The following GMDS variants were observed in gnomAD, a reference collection of about 807,000 sequenced individuals.
The protein encoded by GMDS is GDP-mannose 4,6-dehydratase, also known as GDP-mannose 4,6 dehydratase.
In GMDS, 20 loss-of-function variants were observed where a neutral mutation model predicts 49.9. That is an observed-to-expected ratio of 0.40 (90% CI 0.28 to 0.58). The LOEUF (loss-of-function observed/expected upper bound fraction) is 0.58. Among genes scored for constraint, GMDS ranks in the 20% least tolerant of loss-of-function variants. GMDS has a pLI of 0.42. For synonymous variants in GMDS, 177 were observed against 178.6 expected (o/e 0.99, Z 0.07); for missense variants, 362 against 481.4 (o/e 0.75, Z 2.32).
chr6:2,071,614 T>G (rs1159614435), intron 4 of GMDS, among the ~76,000 whole-genome samples: 1 of 151,864 alleles, frequency 6.6e-6, no homozygotes, highest in East Asian at 1.9e-4. Flanking sequence ...AGAAAAAGCA[T>G]TGCATCTTCC....
At chr6:1,798,688 GC>G (rs1769832691) in intron 7 of GMDS, among the ~76,000 whole-genome samples, 1 of 152,194 alleles carries the variant, frequency 6.6e-6, no homozygotes, top group South Asian at 2.1e-4. Context: ...AGTCCTCCAA[GC>G]GAATGTCCCC....
chr6:1,875,663 C>T (rs1236812660), intron 7 of GMDS, among the ~76,000 whole-genome samples: 1 of 152,150 alleles, frequency 6.6e-6, no homozygotes, highest in Non-Finnish European at 1.5e-5. Flanking sequence ...AATATTTTCA[C>T]AATTTCTATT....
chr6:1,716,828 C>T (rs775716747), intron 9 of GMDS, among the ~76,000 whole-genome samples: 7 of 152,194 alleles, frequency 4.6e-5, no homozygotes, highest in South Asian at 2.1e-4. Flanking sequence ...TTTCCAAAGC[C>T]CTGCTCTAAA....
At position 2,014,224 on chromosome 6, in the gene GMDS, G is replaced by A. The variant is rs146610417; in HGVS notation, c.346-53258C>T. On this transcript the variant is annotated intron_variant, in intron 4 of 10. Coordinates refer to ENST00000380815, the MANE Select transcript of GMDS (RefSeq NM_001500.4). ...GAAATGCTGAAAGAAATTCTTCAGC[G>A]AGAAGGAAAATTATATAGGTCAAAA... Among the ~76,000 whole-genome samples the A allele has an allele frequency of 5.5e-3, 829 of 150,030 alleles. 9 individuals are homozygous for A. The highest frequency in any genetic ancestry group is 0.038 in the Middle Eastern group (11 of 286).
chr6:2,142,541 A>C (rs1776353789), intron 1 of GMDS, among the ~76,000 whole-genome samples: 1 of 152,230 alleles, frequency 6.6e-6, no homozygotes, highest in Non-Finnish European at 1.5e-5. Context: ...GAAAACCACC[A>C]GCGGCAAGGT....
At position 1,844,892 on chromosome 6, in the gene GMDS, G is replaced by A. The variant is rs114424644; in HGVS notation, c.771+85211C>T. On this transcript the variant is annotated intron_variant, in intron 7 of 10. Transcript: ENST00000380815. ...ACAGAGAGTTACAACTGTAACCTGA[G>A]GGTAACACTTCTTTATAAGAATGGA... Among the ~76,000 whole-genome samples the A allele has an allele frequency of 5.7e-3, 862 of 152,300 alleles. 8 individuals carry two copies. Among genetic ancestry groups the A allele is most frequent in the African/African-American group, 0.019 (809 of 41,556 alleles).
chr6:1,931,239 G>A (rs1221487589), intron 6 of GMDS, among the ~76,000 whole-genome samples: 1 of 152,230 alleles, frequency 6.6e-6, no homozygotes, highest in Non-Finnish European at 1.5e-5. Context: ...TTTTGCAGAT[G>A]AAGCAGGGAG....
intron 7 of GMDS, among the ~76,000 whole-genome samples, chr6:1,848,978 C>A (rs990787062): frequency 1.3e-5 from 2 of 152,160 alleles, no homozygotes; most frequent in Non-Finnish European, 2.9e-5. Flanking sequence ...CATACCTGGC[C>A]TCAACCACTA....
intron 7 of GMDS, among the ~76,000 whole-genome samples, chr6:1,765,290 G>A (rs762926825): frequency 1.3e-5 from 2 of 152,082 alleles, no homozygotes; most frequent in Admixed American, 6.5e-5. Context: ...TCCAAACTTT[G>A]TTGTTTATTT....
At chr6:2,014,555 T>C (rs1292312433) in intron 4 of GMDS, among the ~76,000 whole-genome samples, 1 of 152,006 alleles carries the variant, frequency 6.6e-6, no homozygotes, top group African/African-American at 2.4e-5. Context: ...GGGCAACCAC[T>C]GAAAATTTTT....
intron 1 of GMDS, among the ~76,000 whole-genome samples, chr6:2,217,731 C>A (rs1780404696): frequency 6.6e-6 from 1 of 152,150 alleles, no homozygotes. Flanking sequence ...ATGTTAATAA[C>A]TGAACTATCA....
At chr6:1,877,644 TA>T (rs60037634) in intron 7 of GMDS, among the ~76,000 whole-genome samples, 38,244 of 90,622 alleles carry the variant, frequency 0.42, 6,555 homozygotes, top group Non-Finnish European at 0.51. Flanking sequence ...TCTCAAAAAT[TA>T]AAAAAAAAAA....
intron 9 of GMDS, among the ~76,000 whole-genome samples, chr6:1,687,841 G>T (rs1765033612): frequency 6.6e-6 from 1 of 152,102 alleles, no homozygotes; most frequent in Non-Finnish European, 1.5e-5. Flanking sequence ...GGGCATGGGG[G>T]TAAGAGGGCA....
chr6:1,717,582 CT>C (rs1250760956), intron 9 of GMDS: 5 of 152,212 alleles, frequency 3.3e-5, no homozygotes, highest in Admixed American at 1.3e-4. Flanking sequence ...CTTTCTACCC[CT>C]GGGTCAAGAA....
At chr6:2,237,995 C>T (rs1039944165) in intron 1 of GMDS, among the ~76,000 whole-genome samples, 2 of 152,218 alleles carry the variant, frequency 1.3e-5, no homozygotes, top group African/African-American at 2.4e-5. Flanking sequence ...TTCTGGGAGA[C>T]AGGGAAGAAG....
At chr6:2,036,485 G>C (rs1037097581) in intron 4 of GMDS, among the ~76,000 whole-genome samples, 15 of 152,138 alleles carry the variant, frequency 9.9e-5, no homozygotes, top group African/African-American at 3.6e-4. Context: ...TCCCAGGAAG[G>C]TCTGTCCCAG....
At chr6:2,142,258 C>T (rs1253060867) in intron 1 of GMDS, among the ~76,000 whole-genome samples, 1 of 152,110 alleles carries the variant, frequency 6.6e-6, no homozygotes, top group Non-Finnish European at 1.5e-5. Flanking sequence ...TGTTATAGGT[C>T]GAATTCTGTC....
At chr6:2,101,497 G>C (rs1372515505) in intron 4 of GMDS, among the ~76,000 whole-genome samples, 1 of 151,960 alleles carries the variant, frequency 6.6e-6, no homozygotes, top group Non-Finnish European at 1.5e-5. Context: ...CATCATGTAA[G>C]ATGGTTCAAC....
At chr6:2,049,334 T>A (rs1770220964) in intron 4 of GMDS, among the ~76,000 whole-genome samples, 1 of 152,228 alleles carries the variant, frequency 6.6e-6, no homozygotes, top group Admixed American at 6.5e-5. Flanking sequence ...CTTATATGCC[T>A]AAATGTATTG....
Sources: allele counts gnomAD v4.1 joint callset (sites outside exome capture counted in the v4.1 genomes callset), GRCh38; gene constraint gnomAD v4.1.1; transcripts MANE v1.5; gene names NCBI Gene and HGNC (gene_info 2026-07-23, HGNC 2026-07-21).